The following TRAPPC12 variants were observed in gnomAD, a reference collection of about 807,000 sequenced individuals.
TRAPPC12 encodes TPR repeat protein 15.
Under a neutral mutation model 69.2 loss-of-function variants are expected in TRAPPC12, and 61 were observed. The observed-to-expected ratio is 0.88, with a 90% CI of 0.72 to 1.09. TRAPPC12 has a LOEUF of 1.09. Among genes scored for constraint, TRAPPC12 ranks in the 50% least tolerant of loss-of-function variants. The probability of loss-of-function intolerance (pLI) is 0.00; values close to 1 mark genes in which losing one functional copy is unlikely to be tolerated. For missense variants in TRAPPC12, 1,101 were observed against 1,016.4 expected, an observed-to-expected ratio of 1.08 and a Z score of -1.13; for synonymous variants, 469 against 438.9, an observed-to-expected ratio of 1.07 and a Z score of -0.86.
rs2103428489 is a variant in TRAPPC12, at chr2:3,387,957, G to A, written c.334G>A (p.Gly112Ser). Residue 112 changes from glycine to serine, a missense_variant, in exon 2 of 12, where the codon GGC (glycine) becomes AGC (serine). Physicochemically the swap from Gly to Ser is moderately conservative, Grantham distance 56. Coordinates refer to ENST00000324266, the MANE Select transcript of TRAPPC12 (RefSeq NM_016030.6). ...PEPAGTPSPS[G>S]EADGDCAPED... ...GCCCGCGGGCACCCCGAGTCCCAGC[G>A]GCGAGGCCGACGGCGACTGTGCCCC... 6.7e-7 allele frequency: 1 copy of A among 1,485,854 alleles called. No homozygotes were observed. Among genetic ancestry groups the A allele is most frequent in the South Asian group, 1.3e-5 (1 of 76,334 alleles). The allele number at this position is 1,485,854 out of a possible 1,614,324, so 92.0% of individuals were successfully genotyped here.
chr2:3,479,383 G>A lies in TRAPPC12; in HGVS notation c.2130G>A (p.Gln710=). 1 of 1,614,170 alleles carries A rather than the reference G, an allele frequency of 6.2e-7. No individual in the cohort carries two copies. Residue 710 remains glutamine (Q), a synonymous_variant, in exon 12 of 12, where the codon CAG becomes CAA. Transcript: ENST00000324266. ...AGCTGGAGTCCTCACGGAGCATGCA[G>A]AAGAAACAGGCCCTGCTGGAGGCTG... ...MYELESSRSM[Q]KKQALLEAVA... is the part of the protein sequence containing the mutation.
intron 9 of TRAPPC12, among the ~76,000 whole-genome samples, chr2:3,472,255 G>A (rs1007059782): frequency 6.6e-6 from 1 of 152,156 alleles, no homozygotes; most frequent in Non-Finnish European, 1.5e-5. Context: ...TGTGAAGCTG[G>A]GAAAGACTTG....
At chr2:3,459,779 C>T (rs942102936) in intron 7 of TRAPPC12, among the ~76,000 whole-genome samples, 3 of 152,204 alleles carry the variant, frequency 2.0e-5, no homozygotes, top group African/African-American at 4.8e-5. Context: ...TCTGCACCAG[C>T]CCATGGTCGG....
intron 9 of TRAPPC12, among the ~76,000 whole-genome samples, chr2:3,469,088 A>G (rs1439596558): frequency 1.3e-5 from 2 of 152,192 alleles, no homozygotes; most frequent in African/African-American, 2.4e-5. Flanking sequence ...GCCTACTTTA[A>G]ACTCAGAGTG....
At chr2:3,444,672 G>C (rs923823765) in intron 6 of TRAPPC12, among the ~76,000 whole-genome samples, 4 of 152,232 alleles carry the variant, frequency 2.6e-5, no homozygotes, top group Non-Finnish European at 5.9e-5. Flanking sequence ...GATTCTTCTT[G>C]TCAGATTCCT....
chr2:3,477,826 C>A (rs778303702), intron 10 of TRAPPC12, 31 bp downstream of exon 10: 1 of 1,500,996 alleles, frequency 6.7e-7, no homozygotes, highest in Non-Finnish European at 9.1e-7. Flanking sequence ...TATATGTTTT[C>A]TCAAATTTCC....
rs1489228947 is a variant in TRAPPC12, at chr2:3,443,899, G to C, written c.1530+8G>C. The C allele has an allele frequency of 1.2e-5, 20 of 1,607,834 alleles. No homozygotes were observed. In the East Asian group the frequency reaches 4.5e-4, roughly 36 times the overall value. On this transcript the variant is annotated splice_region_variant and intron_variant, in intron 6 of 11. Coordinates refer to ENST00000324266, the MANE Select transcript of TRAPPC12 (RefSeq NM_016030.6). ...AAGACTGTCTGCAGCAAGGTAGGTG[G>C]CGCTGTCATTCTTCCCTGCCACGGG...
At chr2:3,464,935 A>G (rs1665723053) in intron 8 of TRAPPC12, among the ~76,000 whole-genome samples, 1 of 152,238 alleles carries the variant, frequency 6.6e-6, no homozygotes, top group Admixed American at 6.5e-5. Flanking sequence ...AATCCAGCAA[A>G]GGCCTTTGGC....
chr2:3,415,931 T>A (rs1404210309), intron 3 of TRAPPC12, among the ~76,000 whole-genome samples: 2 of 151,294 alleles, frequency 1.3e-5, no homozygotes, highest in Non-Finnish European at 2.9e-5. Flanking sequence ...TTAGCCAGGA[T>A]GGTCTCGATC....
intron 6 of TRAPPC12, among the ~76,000 whole-genome samples, chr2:3,448,870 G>A (rs1279715570): frequency 6.6e-6 from 1 of 152,232 alleles, no homozygotes; most frequent in Non-Finnish European, 1.5e-5. Context: ...TTAGGGGGCC[G>A]ACTTCCCCTG....
Position 3,387,820 on chromosome 2 carries a change from T to C in TRAPPC12, c.197T>C (p.Met66Thr). 1 of 1,612,806 alleles carries C rather than the reference T, an allele frequency of 6.2e-7. No homozygotes were observed. Among genetic ancestry groups the C allele is most frequent in the Non-Finnish European group, 8.5e-7 (1 of 1,179,162 alleles). ...SPLADKLNEH[M>T]MESVLISDSP... ...CTCGCGGACAAGCTGAACGAACACATGATGGAGAGCGTCCTCATCTCTGAC... is the reference window on the plus strand; with the variant it reads ...CTCGCGGACAAGCTGAACGAACACACGATGGAGAGCGTCCTCATCTCTGAC... The change falls in exon 2 of 12, where the codon ATG becomes ACG. Residue 66 changes from methionine to threonine, a missense_variant. Physicochemically the swap from Met to Thr is moderately conservative, Grantham distance 81. Transcript: ENST00000324266.
intron 3 of TRAPPC12, among the ~76,000 whole-genome samples, chr2:3,404,295 T>C (rs1460713394): frequency 6.6e-6 from 1 of 152,198 alleles, no homozygotes; most frequent in Non-Finnish European, 1.5e-5. Flanking sequence ...CTTTCTACTT[T>C]CTAGTGTTCT....
chr2:3,422,322 C>T (rs959010615), intron 4 of TRAPPC12, among the ~76,000 whole-genome samples: 14 of 152,026 alleles, frequency 9.2e-5, no homozygotes, highest in Admixed American at 3.9e-4. Context: ...TGTCTGGGCC[C>T]GGTAGGAAAC....
chr2:3,439,347 CCAGTGGTG>C (rs1335655724), intron 5 of TRAPPC12, among the ~76,000 whole-genome samples: 2 of 152,112 alleles, frequency 1.3e-5, no homozygotes. Flanking sequence ...AGGCTGGAGT[CCAGTGGTG>C]CAGTTATGGC....
At chr2:3,411,431 G>A (rs1439729287) in intron 3 of TRAPPC12, among the ~76,000 whole-genome samples, 2 of 152,030 alleles carry the variant, frequency 1.3e-5, no homozygotes, top group Non-Finnish European at 2.9e-5. Context: ...TTCACAAATA[G>A]CAAGTTCCTG....
At chr2:3,407,568 C>T (rs1013303993) in intron 3 of TRAPPC12, among the ~76,000 whole-genome samples, 3 of 151,994 alleles carry the variant, frequency 2.0e-5, no homozygotes, top group Admixed American at 6.6e-5. Flanking sequence ...GGGGGGAGGC[C>T]GAGGCGGGCA....
At chr2:3,389,608 C>A in intron 2 of TRAPPC12, 1 of 462,380 alleles carries the variant, frequency 2.2e-6, no homozygotes, top group South Asian at 1.6e-5. Context: ...GGCATCTTAA[C>A]GGCTCTAAAC....
At chr2:3,384,016 A>G (rs1660377241) in intron 1 of TRAPPC12, among the ~76,000 whole-genome samples, 1 of 146,902 alleles carries the variant, frequency 6.8e-6, no homozygotes, top group South Asian at 2.2e-4. Context: ...CTGCCTCAGT[A>G]TCCCAAGTAG....
chr2:3,413,203 C>G (rs1473936054), intron 3 of TRAPPC12, among the ~76,000 whole-genome samples: 1 of 152,194 alleles, frequency 6.6e-6, no homozygotes. Context: ...CTTTAGGACT[C>G]TGGTTTTTCT....
Sources: allele counts gnomAD v4.1 joint callset (sites outside exome capture counted in the v4.1 genomes callset), GRCh38; gene constraint gnomAD v4.1.1; transcripts MANE v1.5; gene names NCBI Gene and HGNC (gene_info 2026-07-23, HGNC 2026-07-21).